MNAT1: variants seen among roughly 807,000 people sequenced by gnomAD.
MNAT1 encodes MNAT1 component of CDK activating kinase, also known as CDK-activating kinase assembly factor MAT1.
MNAT1 carries 43 observed loss-of-function variants against 42.0 expected under a neutral mutation model. The ratio of observed to expected loss-of-function variants is 1.02; its 90% CI spans 0.80 to 1.32. MNAT1 has a LOEUF of 1.32. Ranked by LOEUF, MNAT1 falls within the 40% of genes most tolerant of loss-of-function variation. MNAT1 has a pLI of 0.00. For synonymous variants in MNAT1, 118 were observed against 120.0 expected (o/e 0.98, Z 0.11); for missense variants, 306 against 350.4 (o/e 0.87, Z 1.01).
At chr14:60,860,354 C>CT (rs11409940) in intron 6 of MNAT1, among the ~76,000 whole-genome samples, 114,671 of 128,620 alleles carry the variant, frequency 0.89, 51,905 homozygotes, top group Non-Finnish European at 0.97. Context: ...TTTTTCTTTT[C>CT]TTTTTTTTTT....
intron 7 of MNAT1, among the ~76,000 whole-genome samples, chr14:60,945,264 A>G (rs776210561): frequency 1.3e-5 from 2 of 151,912 alleles, no homozygotes; most frequent in African/African-American, 2.4e-5. Context: ...TTCTAAATCC[A>G]TCTTTTGAGT....
At chr14:60,752,042 T>C (rs1337328463) in intron 1 of MNAT1, among the ~76,000 whole-genome samples, 1 of 152,214 alleles carries the variant, frequency 6.6e-6, no homozygotes, top group Admixed American at 6.5e-5. Flanking sequence ...ATATTAGATA[T>C]AATTTCTTTA....
chr14:60,936,146 G>C (rs1391579020), intron 7 of MNAT1, among the ~76,000 whole-genome samples: 2 of 152,110 alleles, frequency 1.3e-5, no homozygotes, highest in African/African-American at 4.8e-5. Context: ...TCATGGGCAG[G>C]TTCCCTCATC....
intron 1 of MNAT1, among the ~76,000 whole-genome samples, chr14:60,751,889 G>A (rs2030110573): frequency 6.6e-6 from 1 of 152,024 alleles, no homozygotes; most frequent in Non-Finnish European, 1.5e-5. Context: ...ATATGGTGCA[G>A]TGCCTCTGCA....
At chr14:60,889,917 A>G (rs997790901) in intron 7 of MNAT1, among the ~76,000 whole-genome samples, 12 of 152,308 alleles carry the variant, frequency 7.9e-5, no homozygotes, top group African/African-American at 1.4e-4. Flanking sequence ...TTTCACACCA[A>G]TTAGAATGGC....
intron 7 of MNAT1, among the ~76,000 whole-genome samples, chr14:60,937,546 G>C (rs977378696): frequency 3.3e-5 from 5 of 152,088 alleles, no homozygotes; most frequent in African/African-American, 1.2e-4. Flanking sequence ...TTGTAGATAT[G>C]TGGCATTATT....
chr14:60,895,903 G>A (rs2034947951), intron 7 of MNAT1, among the ~76,000 whole-genome samples: 1 of 152,104 alleles, frequency 6.6e-6, no homozygotes, highest in Non-Finnish European at 1.5e-5. Flanking sequence ...TCTAAAATGT[G>A]GACACAGGCA....
At chr14:60,871,501 T>G (rs1426434184) in intron 6 of MNAT1, among the ~76,000 whole-genome samples, 2 of 152,214 alleles carry the variant, frequency 1.3e-5, no homozygotes, top group Non-Finnish European at 2.9e-5. Flanking sequence ...GTGCATTTAG[T>G]GTGCATTTTT....
rs149637480 is a variant in MNAT1 at position 60,871,322 on chromosome 14, G to A, written c.688-8392G>A. Among the ~76,000 whole-genome samples, 779 of 152,232 alleles carry A rather than the reference G, an allele frequency of 5.1e-3. 14 individuals are homozygous for A. The highest frequency in any genetic ancestry group is 0.018 in the African/African-American group (731 of 41,530). ...GATACTTATAAGTGGAATTAACTAA[G>A]TCATAAAGTAAATTTACTTGTCACT... On this transcript the variant is annotated intron_variant, in intron 6 of 7. Transcript: ENST00000261245.
intron 7 of MNAT1, among the ~76,000 whole-genome samples, chr14:60,941,300 T>C (rs1204132046): frequency 6.6e-6 from 1 of 152,256 alleles, no homozygotes; most frequent in Non-Finnish European, 1.5e-5. Flanking sequence ...TGGTCAATAC[T>C]ACTGACTAGG....
At chr14:60,828,274 A>G (rs2033110788) in intron 6 of MNAT1, among the ~76,000 whole-genome samples, 1 of 152,208 alleles carries the variant, frequency 6.6e-6, no homozygotes, top group African/African-American at 2.4e-5. Context: ...TATTTTGTGA[A>G]GTAATTTTAT....
chr14:60,939,781 G>T (rs868257347), intron 7 of MNAT1, among the ~76,000 whole-genome samples: 15 of 152,208 alleles, frequency 9.9e-5, no homozygotes, highest in South Asian at 4.2e-4. Context: ...AGTTCCTGGA[G>T]AGCCTTGTTA....
intron 1 of MNAT1, among the ~76,000 whole-genome samples, chr14:60,741,014 T>C (rs1896444245): frequency 6.6e-6 from 1 of 152,208 alleles, no homozygotes; most frequent in South Asian, 2.1e-4. Context: ...TGTCATACTT[T>C]ATGCATTTTG....
chr14:60,958,404 T>G (rs1433351290), intron 7 of MNAT1, among the ~76,000 whole-genome samples: 2 of 152,116 alleles, frequency 1.3e-5, no homozygotes, highest in Admixed American at 6.5e-5. Context: ...TAGCTTCCCT[T>G]GTATGTGATA....
chr14:60,874,077 C>G (rs528846476), intron 6 of MNAT1, among the ~76,000 whole-genome samples: 4 of 152,168 alleles, frequency 2.6e-5, no homozygotes, highest in Non-Finnish European at 5.9e-5. Flanking sequence ...TACTAAATTG[C>G]TTTTCATCCA....
intron 5 of MNAT1, among the ~76,000 whole-genome samples, chr14:60,814,578 GTTC>G (rs2032653919): frequency 6.6e-6 from 1 of 152,106 alleles, no homozygotes; most frequent in Middle Eastern, 3.4e-3. Context: ...GTATATATGT[GTTC>G]TTCTACTGTG....
At chr14:60,945,771 C>T (rs2036259989) in intron 7 of MNAT1, among the ~76,000 whole-genome samples, 2 of 152,116 alleles carry the variant, frequency 1.3e-5, no homozygotes, top group Admixed American at 1.3e-4. Context: ...CCATAAACAA[C>T]AGATTGGTGC....
chr14:60,891,861 A>G (rs1484292778), intron 7 of MNAT1, among the ~76,000 whole-genome samples: 1 of 151,712 alleles, frequency 6.6e-6, no homozygotes, highest in East Asian at 1.9e-4. Context: ...GTTTTTATTC[A>G]TTTCCAACTA....
intron 3 of MNAT1, among the ~76,000 whole-genome samples, chr14:60,805,552 T>C (rs188191432): frequency 5.7e-4 from 87 of 152,312 alleles, no homozygotes; most frequent in East Asian, 5.6e-3. Flanking sequence ...CCTTTGTGTT[T>C]TTCTGTGTGT....
Sources: gnomAD v4.1 joint callset for allele counts (sites outside exome capture counted in the v4.1 genomes callset) on GRCh38, gnomAD v4.1.1 for gene constraint, MANE v1.5 for transcripts, NCBI Gene and HGNC (gene_info 2026-07-23, HGNC 2026-07-21) for gene names.